SOCS7: variants seen among roughly 807,000 people sequenced by gnomAD.
SOCS7 encodes suppressor of cytokine signaling 7, also known as NAP-4.
Under a neutral mutation model 58.9 loss-of-function variants are expected in SOCS7, and 18 were observed. The observed-to-expected ratio is 0.31, with a 90% CI of 0.21 to 0.45. The LOEUF is 0.45. Among genes scored for constraint, SOCS7 ranks in the 20% least tolerant of loss-of-function variants. The pLI is 1.00. For synonymous variants in SOCS7, 388 were observed against 364.3 expected (o/e 1.06, Z -0.74); for missense variants, 667 against 837.3 (o/e 0.80, Z 2.51).
At chr17:38,379,157 CAA>C (rs1173083126) in intron 7 of SOCS7, among the ~76,000 whole-genome samples, 3 of 47,456 alleles carry the variant, frequency 6.3e-5, no homozygotes, top group Admixed American at 2.4e-4. Flanking sequence ...GACCCTGTCT[CAA>C]AAAAAAAAAA....
intron 7 of SOCS7, among the ~76,000 whole-genome samples, chr17:38,390,520 G>A (rs570839174): frequency 1.3e-5 from 2 of 152,108 alleles, no homozygotes; most frequent in Non-Finnish European, 1.5e-5. Context: ...TTTGGGGAGG[G>A]AATATTGGCA....
At chr17:38,371,765 T>G (rs1353044105) in intron 6 of SOCS7, among the ~76,000 whole-genome samples, 38 of 149,964 alleles carry the variant, frequency 2.5e-4, no homozygotes, top group African/African-American at 8.6e-4. Context: ...TTTTTTTTTT[T>G]TTTTTTTTTT....
At chr17:38,367,856 A>G (rs375597476) in intron 5 of SOCS7, 26 bp from the exon 6 acceptor site, 26 of 1,607,810 alleles carry the variant, frequency 1.6e-5, no homozygotes, top group Middle Eastern at 1.7e-4. Flanking sequence ...CCTGATAACT[A>G]GTGGACTGCT....
At chr17:38,392,364 T>C (rs1335988018) in intron 7 of SOCS7, among the ~76,000 whole-genome samples, 1 of 152,236 alleles carries the variant, frequency 6.6e-6, no homozygotes, top group Non-Finnish European at 1.5e-5. Context: ...GTGTTATCTT[T>C]GGGAATAAAT....
Position 38,352,512 on chromosome 17 carries a change from C to A in SOCS7, c.460C>A (p.Pro154Thr), listed in dbSNP as rs1271012633. The A allele has an allele frequency of 6.5e-7, 1 of 1,544,680 alleles. No individual in the cohort carries two copies. The highest frequency in any genetic ancestry group is 8.7e-7 in the Non-Finnish European group (1 of 1,144,224). The change falls in exon 1 of 10, where the codon CCC becomes ACC. Residue 154 changes from proline to threonine, a missense_variant. Around this residue, in one of 9 missense-constraint regions of SOCS7, gnomAD observed 154 missense variants for 156.3 expected, o/e 0.98. Transcript: ENST00000612932. This position sits in a 1 kb window ranked among gnomAD's most constrained non-coding sequence, Gnocchi z 5.5. ...CCPCPCPPQP[P>T]PPQPQPPAAA... ...CCCGTGTCCGTGTCCTCCTCAGCCG[C>A]CCCCTCCGCAGCCCCAGCCGCCTGC...
At chr17:38,379,440 T>C (rs890964243) in intron 7 of SOCS7, among the ~76,000 whole-genome samples, 10 of 151,784 alleles carry the variant, frequency 6.6e-5, no homozygotes, top group Middle Eastern at 6.8e-3. Flanking sequence ...GATTGCGCCA[T>C]TGCACTCCAG....
intron 2 of SOCS7, among the ~76,000 whole-genome samples, chr17:38,362,151 C>G (rs901408001): frequency 2.0e-5 from 3 of 152,202 alleles, no homozygotes; most frequent in Non-Finnish European, 4.4e-5. Flanking sequence ...CAAGGGAGTT[C>G]ATGGGTTATC....
intron 6 of SOCS7, among the ~76,000 whole-genome samples, chr17:38,374,544 A>G (rs777623885): frequency 5.3e-5 from 8 of 152,336 alleles, no homozygotes; most frequent in Non-Finnish European, 1.0e-4. Flanking sequence ...GCCCAAAACA[A>G]TAAATTACTG....
intron 6 of SOCS7, among the ~76,000 whole-genome samples, chr17:38,373,948 G>A (rs551087785): frequency 1.3e-5 from 2 of 152,262 alleles, no homozygotes; most frequent in African/African-American, 4.8e-5. Context: ...TGACCGGGTG[G>A]AGTGGCTCAC....
At chr17:38,386,138 A>C (rs2038064884) in intron 7 of SOCS7, among the ~76,000 whole-genome samples, 1 of 151,866 alleles carries the variant, frequency 6.6e-6, no homozygotes, top group Non-Finnish European at 1.5e-5. Flanking sequence ...CAGCCTGACC[A>C]ACATGGGGAA....
chr17:38,401,790 T>C lies in SOCS7; in HGVS notation c.*2308T>C, dbSNP rs2038322393. 6.6e-6 allele frequency: 1 copy of C among 152,256 alleles called. No homozygotes were observed. The highest frequency in any genetic ancestry group is 1.5e-5 in the Non-Finnish European group (1 of 68,068). 9.4% of individuals were successfully genotyped at this position (152,256 alleles called of 1,614,324 possible). On this transcript the variant is annotated 3_prime_UTR_variant, in exon 10 of 10. Coordinates refer to ENST00000612932, the MANE Select transcript of SOCS7 (RefSeq NM_014598.4). ...AATCTGCATGGCATGTACTGAACAGTGCACAGCCCTGTTAGAGCAACATGG... is the reference window on the plus strand; with the variant it reads ...AATCTGCATGGCATGTACTGAACAGCGCACAGCCCTGTTAGAGCAACATGG...
In SOCS7 at chr17:38,388,050, G is replaced by A. The variant is rs915392072; in HGVS notation, c.1682-7259G>A. Among the ~76,000 whole-genome samples, 7 of 151,946 alleles carry A rather than the reference G, an allele frequency of 4.6e-5. No homozygotes were observed. In the East Asian group the frequency reaches 1.2e-3, roughly 25 times the overall value. On this transcript the variant is annotated intron_variant, in intron 7 of 9. Transcript: ENST00000612932. ...GCCTCCCAAAGTGCTAGGATTATAG[G>A]CATAGGTGTGAACCACCGTGCCTGG...
chr17:38,371,537 TGGG>T (rs2037865221), intron 6 of SOCS7, among the ~76,000 whole-genome samples: 1 of 3,218 alleles, frequency 3.1e-4, no homozygotes, highest in African/African-American at 3.7e-3. Context: ...CCCAAAGTGT[TGGG>T]ATTACTGGCG....
intron 7 of SOCS7, among the ~76,000 whole-genome samples, chr17:38,381,501 T>C (rs961191962): frequency 6.6e-6 from 1 of 152,176 alleles, no homozygotes; most frequent in Non-Finnish European, 1.5e-5. Context: ...CCAGGTGTTA[T>C]TCCATTTAAC....
At chr17:38,380,131 T>A (rs970818345) in intron 7 of SOCS7, among the ~76,000 whole-genome samples, 3 of 152,200 alleles carry the variant, frequency 2.0e-5, no homozygotes, top group Non-Finnish European at 4.4e-5. Flanking sequence ...ACTCCTCAGA[T>A]ACAGCTTATT....
At position 38,361,519 on chromosome 17, in the gene SOCS7, A is replaced by C. The variant is rs587729291; in HGVS notation, c.981-192A>C. Among the ~76,000 whole-genome samples the C allele has an allele frequency of 3.3e-5, 5 of 152,348 alleles. No homozygotes were observed. In the East Asian group the frequency reaches 9.6e-4, roughly 29 times the overall value. On this transcript the variant is annotated intron_variant, in intron 1 of 9. Coordinates refer to ENST00000612932, the MANE Select transcript of SOCS7 (RefSeq NM_014598.4). Reference sequence around the variant, plus strand: ...TTGTAGGTTGGTGAATTCTGTAGCCAAATCTATTTAAGGAATTGCCTTAAT... The same window carrying C: ...TTGTAGGTTGGTGAATTCTGTAGCCCAATCTATTTAAGGAATTGCCTTAAT...
intron 1 of SOCS7, among the ~76,000 whole-genome samples, chr17:38,361,479 G>T (rs1399963918): frequency 1.3e-5 from 2 of 152,116 alleles, no homozygotes; most frequent in Non-Finnish European, 1.5e-5. Context: ...AGCTCCAAAG[G>T]GATTTCTCAT....
chr17:38,389,871 A>ATATATATATATATATATGTGTATGTGTG (rs2038137330), intron 7 of SOCS7, among the ~76,000 whole-genome samples: 1 of 114,994 alleles, frequency 8.7e-6, no homozygotes, highest in African/African-American at 3.7e-5. Context: ...GTGTGTACAT[A>ATATATATATATATATATGTGTATGTGTG]TATATATATA....
intron 6 of SOCS7, among the ~76,000 whole-genome samples, chr17:38,374,641 A>T (rs996344383): frequency 6.6e-6 from 1 of 152,218 alleles, no homozygotes; most frequent in Non-Finnish European, 1.5e-5. Flanking sequence ...GAGATATGGC[A>T]AAAAAAGAAG....
Sources: allele counts gnomAD v4.1 joint callset (sites outside exome capture counted in the v4.1 genomes callset), GRCh38; gene constraint gnomAD v4.1.1; regional missense constraint gnomAD v4.1.1; non-coding constraint Gnocchi (gnomAD v3.1); transcripts MANE v1.5; gene names NCBI Gene and HGNC (gene_info 2026-07-23, HGNC 2026-07-21).